DMD: variants seen among roughly 807,000 people sequenced by gnomAD.
The protein encoded by DMD is dystrophin.
DMD carries 63 observed loss-of-function variants against 330.1 expected under a neutral mutation model. The ratio of observed to expected loss-of-function variants is 0.19; its 90% CI spans 0.16 to 0.24. The LOEUF is 0.24. Among genes scored for constraint, DMD ranks in the 10% least tolerant of loss-of-function variants. The pLI is 1.00. For missense variants in DMD, 3,344 were observed against 2,684.1 expected, an observed-to-expected ratio of 1.25 and a Z score of -5.43; for synonymous variants, 1,223 against 959.8, an observed-to-expected ratio of 1.27 and a Z score of -5.07.
chrX:32,836,529 TTTC>T (rs2079647769), intron 4 of DMD, among the ~76,000 whole-genome samples: 1 of 111,278 alleles, frequency 9.0e-6, no homozygotes, highest in African/African-American at 3.3e-5. Context: ...TTATCTAGTG[TTTC>T]TTCTATTTCT....
intron 55 of DMD, among the ~76,000 whole-genome samples, chrX:31,619,331 G>A (rs768638625): frequency 6.3e-4 from 70 of 111,181 alleles, no homozygotes; most frequent in Non-Finnish European, 1.2e-3. Flanking sequence ...TTTTCACTAA[G>A]GATCAAATTA....
intron 64 of DMD, 130 bp from the exon 65 acceptor site, chrX:31,209,829 C>G: frequency 3.2e-6 from 2 of 620,750 alleles, no homozygotes; most frequent in Non-Finnish European, 5.2e-6. Flanking sequence ...GAACCACACT[C>G]TCTTTGAAAG....
At chrX:33,076,992 G>A (rs1250494458) in intron 1 of DMD, among the ~76,000 whole-genome samples, 6 of 110,862 alleles carry the variant, frequency 5.4e-5, no homozygotes, top group African/African-American at 1.3e-4. Context: ...ACAGGGAGTC[G>A]GAGCTGTCTT....
intron 4 of DMD, among the ~76,000 whole-genome samples, chrX:32,843,368 C>T (rs912391667): frequency 7.2e-5 from 8 of 111,846 alleles, no homozygotes; most frequent in African/African-American, 2.3e-4. Flanking sequence ...AAGAGTCCAT[C>T]GGACTAATAA....
intron 9 of DMD, among the ~76,000 whole-genome samples, chrX:32,654,947 C>T (rs1039241773): frequency 1.8e-5 from 2 of 111,743 alleles, no homozygotes; most frequent in African/African-American, 6.5e-5. Context: ...GAGGTGTTTA[C>T]AGTTTTCTCT....
chrX:32,759,848 G>A (rs867078906), intron 7 of DMD, among the ~76,000 whole-genome samples: 1 of 47,013 alleles, frequency 2.1e-5, no homozygotes, highest in African/African-American at 1.0e-4. Context: ...TTTCTTGGGG[G>A]GGGGGGGGGG....
Position 33,009,387 on chromosome X carries a change from T to G in DMD, c.93+10752A>C, listed in dbSNP as rs1265666315. 2.4e-5 allele frequency among the ~76,000 whole-genome samples: 2 copies of G among 84,407 alleles called. 1 individual carries two copies. The highest frequency in any genetic ancestry group is 2.6e-4 in the Admixed American group (2 of 7,769). The allele number at this position is 84,407 out of a possible 115,157, so 73.3% of individuals were successfully genotyped here. A position where few individuals can be genotyped will look rare whatever the true frequency, so the allele number is the denominator to read the frequency against. ...ATGTGTATATGTGTATATACACGTG[T>G]ATATATGTGTGTATATGTGTATATA... On this transcript the variant is annotated intron_variant, in intron 2 of 78. Coordinates refer to ENST00000357033, the MANE Select transcript of DMD (RefSeq NM_004006.3).
chrX:32,193,551 T>C (rs2096985282), intron 44 of DMD, among the ~76,000 whole-genome samples: 1 of 111,477 alleles, frequency 9.0e-6, no homozygotes, highest in South Asian at 3.8e-4. Flanking sequence ...ATATCCTCAA[T>C]AAATCGATCC....
intron 62 of DMD, among the ~76,000 whole-genome samples, chrX:31,274,279 C>A (rs1206749140): frequency 8.9e-6 from 1 of 112,129 alleles, no homozygotes; most frequent in Non-Finnish European, 1.9e-5. Flanking sequence ...GCATAAAATT[C>A]ACAGCGTTTG....
At chrX:31,545,524 C>CA (rs1487081020) in intron 55 of DMD, among the ~76,000 whole-genome samples, 3 of 111,976 alleles carry the variant, frequency 2.7e-5, no homozygotes, top group Non-Finnish European at 3.8e-5. Context: ...AAATATGTTG[C>CA]AAAAAAATAC....
chrX:31,164,044 T>A (rs1434688857), intron 74 of DMD, among the ~76,000 whole-genome samples: 1 of 112,002 alleles, frequency 8.9e-6, no homozygotes, highest in Non-Finnish European at 1.9e-5. Flanking sequence ...TTTCTCTATA[T>A]GTCTTTTTGA....
chrX:33,192,251 T>C (rs1181103493), intron 1 of DMD, among the ~76,000 whole-genome samples: 2 of 112,137 alleles, frequency 1.8e-5, no homozygotes, highest in East Asian at 5.6e-4. Context: ...ATGTTTTATT[T>C]TACTCTATGA....
At chrX:32,961,908 C>A (rs190604021) in intron 2 of DMD, among the ~76,000 whole-genome samples, 3 of 111,955 alleles carry the variant, frequency 2.7e-5, no homozygotes, top group Admixed American at 9.6e-5. Context: ...AAGAACACAA[C>A]TTTAATTTCT....
chrX:31,868,900 T>A (rs778255158), intron 48 of DMD, among the ~76,000 whole-genome samples: 1 of 112,035 alleles, frequency 8.9e-6, no homozygotes, highest in African/African-American at 3.2e-5. Flanking sequence ...AAGCTGTACA[T>A]ATTTAATGCA....
chrX:33,033,873 T>A (rs191630727), intron 1 of DMD, among the ~76,000 whole-genome samples: 1 of 112,070 alleles, frequency 8.9e-6, no homozygotes, highest in Admixed American at 9.4e-5. Flanking sequence ...ATTTTGAGGT[T>A]TTAAGGGAAT....
At chrX:31,621,631 G>A (rs1444743906) in intron 55 of DMD, among the ~76,000 whole-genome samples, 2 of 111,860 alleles carry the variant, frequency 1.8e-5, no homozygotes. Flanking sequence ...ATCCTGTGAT[G>A]TACTCATTGT....
At chrX:32,385,160 T>C (rs746829965) in intron 33 of DMD, among the ~76,000 whole-genome samples, 1 of 110,680 alleles carries the variant, frequency 9.0e-6, no homozygotes, top group Non-Finnish European at 1.9e-5. Context: ...AAAAATATTC[T>C]ATAATGCTCT....
At chrX:32,583,937 A>G (rs368973588) in intron 13 of DMD, among the ~76,000 whole-genome samples, 1 of 111,651 alleles carries the variant, frequency 9.0e-6, no homozygotes, top group Non-Finnish European at 1.9e-5. Flanking sequence ...TACACTAAAC[A>G]TAACAGAAAA....
chrX:31,350,248 C>A (rs984511346), intron 60 of DMD, among the ~76,000 whole-genome samples: 8 of 111,302 alleles, frequency 7.2e-5, no homozygotes, highest in African/African-American at 2.6e-4. Context: ...TGCTCCTTCT[C>A]TCGGCAATGC....
Sources: allele counts gnomAD v4.1 joint callset (sites outside exome capture counted in the v4.1 genomes callset), GRCh38; gene constraint gnomAD v4.1.1; transcripts MANE v1.5; gene names NCBI Gene and HGNC (gene_info 2026-07-23, HGNC 2026-07-21).